Variants in LRRC17 observed in about 807,000 individuals in gnomAD.
LRRC17 encodes the protein leucine-rich repeat-containing protein 17.
A neutral mutation model predicts 41.5 loss-of-function variants in LRRC17; 33 were observed. That is an observed-to-expected ratio of 0.80 (90% CI 0.60 to 1.06). LRRC17 has a LOEUF of 1.06. LRRC17 is among the 50% of genes least tolerant of loss of function. LRRC17 has a pLI of 0.00. For synonymous variants in LRRC17, 192 were observed against 197.0 expected (o/e 0.97, Z 0.21); for missense variants, 491 against 519.3 (o/e 0.95, Z 0.53).
At chr7:102,925,540 G>A (rs765758889) in intron 1 of LRRC17, among the ~76,000 whole-genome samples, 1 of 152,186 alleles carries the variant, frequency 6.6e-6, no homozygotes, top group Non-Finnish European at 1.5e-5. Flanking sequence ...AACAAGCAGT[G>A]TCAAGCTCCC....
intron 2 of LRRC17, among the ~76,000 whole-genome samples, chr7:102,935,858 G>C (rs1434925488): frequency 6.6e-6 from 1 of 152,134 alleles, no homozygotes; most frequent in East Asian, 1.9e-4. Flanking sequence ...GGGAAATTTT[G>C]CTATGTTTTG....
intron 2 of LRRC17, among the ~76,000 whole-genome samples, chr7:102,934,928 T>C (rs975809560): frequency 2.0e-5 from 3 of 152,232 alleles, no homozygotes; most frequent in African/African-American, 7.2e-5. Context: ...ATTTGGGTTC[T>C]ACTCATTTGC....
rs1819694779 is a variant in LRRC17, at chr7:102,933,861, C to T, written c.-53C>T. On this transcript the variant is annotated 5_prime_UTR_variant, in exon 2 of 4. Transcript: ENST00000339431. ...CCCAGACTTGGATTTCAAAGGAATA[C>T]TTTCATTGTTCCGTCTGTAACACGA... 1 of 1,488,334 alleles carries T rather than the reference C, an allele frequency of 6.7e-7. No homozygotes were observed. Among genetic ancestry groups the T allele is most frequent in the African/African-American group, 1.4e-5 (1 of 71,638 alleles). The allele number at this position is 1,488,334 out of a possible 1,614,324, so 92.2% of individuals were successfully genotyped here.
chr7:102,926,797 C>T (rs1818224806), intron 1 of LRRC17, among the ~76,000 whole-genome samples: 1 of 152,198 alleles, frequency 6.6e-6, no homozygotes, highest in Non-Finnish European at 1.5e-5. Context: ...AACAATGGAA[C>T]TTTAGTAACA....
chr7:102,931,423 A>G (rs184239247), intron 1 of LRRC17, among the ~76,000 whole-genome samples: 23 of 152,298 alleles, frequency 1.5e-4, no homozygotes, highest in Admixed American at 3.3e-4. Flanking sequence ...GCCTTTTACA[A>G]AGAGTATAAA....
At chr7:102,913,897 G>A (rs2129469190) in intron 1 of LRRC17, among the ~76,000 whole-genome samples, 1 of 152,260 alleles carries the variant, frequency 6.6e-6, no homozygotes, top group Non-Finnish European at 1.5e-5. Flanking sequence ...CAACATCAGA[G>A]ACTATAAATC....
chr7:102,939,444 C>A lies in LRRC17; in HGVS notation c.787C>A (p.Pro263Thr), dbSNP rs1245391366. The A allele has an allele frequency of 1.4e-5, 22 of 1,603,490 alleles. No individual in the cohort carries two copies. Among genetic ancestry groups the A allele is most frequent in the Non-Finnish European group, 1.8e-5 (21 of 1,176,754 alleles). ...AAATTTTCCAGAGTTGAAAAAAGTG[C>A]CAAACAACATCCCTCCAGATATTGT... ...DCKRKELKKVPNNIPPDIVKL... is the reference protein window; with the variant it reads ...DCKRKELKKVTNNIPPDIVKL... Residue 263 changes from proline (P) to threonine (T), a missense_variant, in exon 3 of 4, where the codon CCA becomes ACA. Physicochemically the swap from Pro to Thr is conservative, Grantham distance 38. Coordinates refer to ENST00000339431, the MANE Select transcript of LRRC17 (RefSeq NM_001031692.3).
At chr7:102,928,954 C>A (rs148740719) in intron 1 of LRRC17, among the ~76,000 whole-genome samples, 7 of 152,126 alleles carry the variant, frequency 4.6e-5, no homozygotes, top group African/African-American at 1.7e-4. Context: ...CCATTTCTTG[C>A]GGATGACCCT....
chr7:102,922,514 T>C (rs78051673), intron 1 of LRRC17, among the ~76,000 whole-genome samples: 3,408 of 152,318 alleles, frequency 0.022, 150 homozygotes, highest in East Asian at 0.16. Flanking sequence ...TATATTTTAC[T>C]ATTTTGCGGA....
intron 1 of LRRC17, among the ~76,000 whole-genome samples, chr7:102,930,626 C>G (rs987269360): frequency 6.6e-6 from 1 of 152,142 alleles, no homozygotes; most frequent in African/African-American, 2.4e-5. Flanking sequence ...TTCTGAAACT[C>G]TTTACTCACT....
chr7:102,933,648 G>A (rs1819656102), intron 1 of LRRC17, 126 bp from the exon 2 acceptor site: 1 of 243,818 alleles, frequency 4.1e-6, no homozygotes, highest in Admixed American at 5.0e-5. Flanking sequence ...AGAGGGGAAG[G>A]AGCTTTCTAC....
At chr7:102,924,180 G>A (rs1174477941) in intron 1 of LRRC17, among the ~76,000 whole-genome samples, 1 of 151,326 alleles carries the variant, frequency 6.6e-6, no homozygotes, top group African/African-American at 2.4e-5. Flanking sequence ...GAAGGTTGCG[G>A]TGAGCTGAGA....
chr7:102,944,523 A>G lies in LRRC17; in HGVS notation c.1242A>G (p.Gln414=), dbSNP rs1339250253. The change falls in exon 4 of 4, where the codon CAA becomes CAG. Residue 414 remains glutamine (Q), a synonymous_variant. Coordinates refer to ENST00000339431, the MANE Select transcript of LRRC17 (RefSeq NM_001031692.3). Reference sequence around the variant, plus strand: ...CAGCATATCCTGAGTCATTTGACCAAGACACAGAAGATGATGAATGGGAAA... The same window carrying G: ...CAGCATATCCTGAGTCATTTGACCAGGACACAGAAGATGATGAATGGGAAA... ...KLPAYPESFD[Q]DTEDDEWEKK... 3 of 1,613,806 alleles carry G rather than the reference A, an allele frequency of 1.9e-6. No individual in the cohort carries two copies. The African/African-American group carries it at 4.0e-5, about 22-fold the overall frequency.
chr7:102,934,018 G>C lies in LRRC17; in HGVS notation c.105G>C (p.Ala35=). ...GAAGCCGAGTGAATCATGGCCGGGCGGGTGGAGGCCGGAGAGGCTCCAACC... is the reference window on the plus strand; with the variant it reads ...GAAGCCGAGTGAATCATGGCCGGGCCGGTGGAGGCCGGAGAGGCTCCAACC... ...SVRSRVNHGR[A]GGGRRGSNPV... is the part of the protein sequence containing the mutation. Residue 35 remains alanine (A), a synonymous_variant, in exon 2 of 4, where the codon GCG becomes GCC. Coordinates refer to ENST00000339431, the MANE Select transcript of LRRC17 (RefSeq NM_001031692.3). 1 of 1,614,038 alleles carries C rather than the reference G, an allele frequency of 6.2e-7. No homozygotes were observed. The highest frequency in any genetic ancestry group is 8.5e-7 in the Non-Finnish European group (1 of 1,179,946).
At chr7:102,925,334 G>T (rs1430511440) in intron 1 of LRRC17, among the ~76,000 whole-genome samples, 1 of 152,182 alleles carries the variant, frequency 6.6e-6, no homozygotes, top group African/African-American at 2.4e-5. Flanking sequence ...GATTGAGGCT[G>T]CCGTAAGCCA....
At chr7:102,925,398 A>G (rs761514293) in intron 1 of LRRC17, among the ~76,000 whole-genome samples, 1 of 152,156 alleles carries the variant, frequency 6.6e-6, no homozygotes, top group Non-Finnish European at 1.5e-5. Flanking sequence ...CTGTTTGAAA[A>G]CAAACTAAAA....
chr7:102,924,530 T>C (rs1817683050), intron 1 of LRRC17, among the ~76,000 whole-genome samples: 1 of 151,776 alleles, frequency 6.6e-6, no homozygotes, highest in Non-Finnish European at 1.5e-5. Context: ...GCTTAATTAG[T>C]GGGATAAATA....
intron 2 of LRRC17, among the ~76,000 whole-genome samples, chr7:102,936,798 T>C (rs1026579354): frequency 8.0e-5 from 12 of 149,550 alleles, no homozygotes; most frequent in African/African-American, 3.0e-4. Flanking sequence ...TTAAAACTTC[T>C]ACAACGAGAC....
intron 1 of LRRC17, among the ~76,000 whole-genome samples, chr7:102,923,081 A>G (rs1817400350): frequency 6.6e-6 from 1 of 152,234 alleles, no homozygotes; most frequent in Non-Finnish European, 1.5e-5. Flanking sequence ...ACAAGGTGAT[A>G]TATGTCAAAG....
Sources: allele counts gnomAD v4.1 joint callset (sites outside exome capture counted in the v4.1 genomes callset), GRCh38; gene constraint gnomAD v4.1.1; transcripts MANE v1.5; gene names NCBI Gene and HGNC (gene_info 2026-07-23, HGNC 2026-07-21).